The following BRD2 variants were observed in gnomAD, a reference collection of about 807,000 sequenced individuals.
BRD2 encodes bromodomain containing 2.
A neutral mutation model predicts 79.1 loss-of-function variants in BRD2; 15 were observed. That is an observed-to-expected ratio of 0.19 (90% confidence interval 0.13 to 0.29). The LOEUF (loss-of-function observed/expected upper bound fraction) is 0.29, where lower values mean the gene tolerates loss of function less well. BRD2 is among the 10% of genes least tolerant of loss of function. The pLI is 1.00. For missense variants in BRD2, 1,053 were observed against 991.3 expected, an observed-to-expected ratio of 1.06 and a Z score of -0.84; for synonymous variants, 488 against 358.6, an observed-to-expected ratio of 1.36 and a Z score of -4.08.
rs758763027 is a variant in BRD2 at position 32,972,866 on chromosome 6, G to A, written c.-33G>A. 3 of 1,613,824 alleles carry A rather than the reference G, an allele frequency of 1.9e-6. No homozygotes were observed. Among genetic ancestry groups the A allele is most frequent in the South Asian group, 2.2e-5 (2 of 91,092 alleles). ...AACCGAGGCCACCCGGACTTTCCGC[G>A]GCTGAGGGCAGCGCCGGTTCCTTGC... On this transcript the variant is annotated 5_prime_UTR_variant, in exon 2 of 13. Transcript: ENST00000374825.
At chr6:32,980,164 C>G in intron 11 of BRD2, 32 bp downstream of exon 11, 1 of 1,598,322 alleles carries the variant, frequency 6.3e-7, no homozygotes, top group South Asian at 1.1e-5. Flanking sequence ...TCTCATGGTT[C>G]TGAGGACAGT....
Position 32,978,347 on chromosome 6 carries a change from A to G in BRD2, c.1800A>G (p.Leu600=). The G allele has an allele frequency of 3.1e-6, 5 of 1,613,042 alleles. No homozygotes were observed. Among genetic ancestry groups the G allele is most frequent in the Non-Finnish European group, 3.4e-6 (4 of 1,180,014 alleles). The change falls in exon 10 of 13, where the codon TTA becomes TTG. Residue 600 remains leucine (L), a synonymous_variant. Coordinates refer to ENST00000374825, the MANE Select transcript of BRD2 (RefSeq NM_005104.4). ...GCAGTGGGGGTGGCAGTGCTGCTTT[A>G]GGCCCTTCTGGCTTTGGACCTTCTG... ...ASGSGGGSAA[L]GPSGFGPSGG... is the part of the protein sequence containing the mutation.
Position 32,971,622 on chromosome 6 carries a change from G to A in BRD2, c.-1277G>A. ...TCTTCGCTGCTGCTGCCTTACCGCC[G>A]AGAACCACCACCCGCCAGGCGTCTT... On this transcript the variant is annotated 5_prime_UTR_variant, in exon 2 of 13. Transcript: ENST00000374825. 1 of 446,286 alleles carries A rather than the reference G, an allele frequency of 2.2e-6. No individual in the cohort carries two copies. 27.6% of individuals were successfully genotyped at this position (446,286 alleles called of 1,614,324 possible). A position where few individuals can be genotyped will look rare whatever the true frequency, so the allele number is the denominator to read the frequency against.
Position 32,973,151 on chromosome 6 carries a change from A to C in BRD2, c.29+224A>C. ...ACAGGTTGTCAATTTATACGCTATT[A>C]ATGCCGCCGTGGCCCAGTCTTAACC... is the stretch of plus-strand genomic sequence containing the variant. On this transcript the variant is annotated intron_variant, in intron 2 of 12. Coordinates refer to ENST00000374825, the MANE Select transcript of BRD2 (RefSeq NM_005104.4). 2 of 1,547,164 alleles carry C rather than the reference A, an allele frequency of 1.3e-6. 1 individual carries two copies. The highest frequency in any genetic ancestry group is 2.4e-5 in the South Asian group (2 of 83,286).
chr6:32,975,356 G>T (rs1274533620), intron 3 of BRD2, 28 bp from the exon 4 acceptor site: 1 of 1,571,942 alleles, frequency 6.4e-7, no homozygotes, highest in Non-Finnish European at 8.7e-7. Flanking sequence ...ATTTTTCTGT[G>T]GTTCTGACCT....
At chr6:32,973,637 ATGAACCAC>A (rs772021223) in intron 2 of BRD2, among the ~76,000 whole-genome samples, 3 of 152,082 alleles carry the variant, frequency 2.0e-5, no homozygotes, top group Non-Finnish European at 4.4e-5. Context: ...GGGACTGTAA[ATGAACCAC>A]TGTTAGCGTT....
Position 32,977,927 on chromosome 6 carries a change from G to C in BRD2, c.1500G>C (p.Glu500Asp), listed in dbSNP as rs201796698. The C allele has an allele frequency of 6.2e-6, 10 of 1,606,310 alleles. No homozygotes were observed. The highest frequency in any genetic ancestry group is 6.8e-6 in the Non-Finnish European group (8 of 1,174,832). The change falls in exon 9 of 13, where the codon GAG (glutamate) becomes GAC (aspartate). Residue 500 changes from glutamate (E) to aspartate (D), a missense_variant. Transcript: ENST00000374825. ...SSEEEEEEDE[E>D]DEEEEESESS... The stretch of plus-strand genomic sequence containing the variant: ...AGGAAGAGGAGGAGGAAGATGAGGA[G>C]GACGAGGAGGAAGAAGAGAGTGAAA...
Position 32,980,592 on chromosome 6 carries a change from A to G in BRD2, c.2280A>G (p.Lys760=), listed in dbSNP as rs769441935. The change falls in exon 13 of 13, where the codon AAA becomes AAG. Residue 760 remains lysine (K), a synonymous_variant. Transcript: ENST00000374825. ...TKKPPKKANE[K]TESSSAQQVA... is the part of the protein sequence containing the mutation. The stretch of plus-strand genomic sequence containing the variant: ...GAATTTGTTCTGCAGCGAATGAGAA[A>G]ACAGAGTCATCCTCTGCACAGCAAG... 6.2e-7 allele frequency: 1 copy of G among 1,613,146 alleles called. No individual in the cohort carries two copies. Among genetic ancestry groups the G allele is most frequent in the South Asian group, 1.1e-5 (1 of 91,088 alleles).
rs1329762407 is a variant in BRD2 at position 32,977,838 on chromosome 6, C to T, written c.1411C>T (p.Pro471Ser). ...TTTACCAGTCTCTACTGCCATGCCC[C>T]CTGGCTTGGCCAAATCGTCTTCAGA... ...GPLPVSTAMP[P>S]GLAKSSSESS... Residue 471 changes from proline to serine, a missense_variant, in exon 9 of 13, where the codon CCT becomes TCT. Physicochemically the swap from Pro to Ser is moderately conservative, Grantham distance 74. This residue lies in a region of BRD2 where 454 missense variants were observed against 430.5 expected (regional missense o/e 1.05). Transcript: ENST00000374825. 5 of 1,612,988 alleles carry T rather than the reference C, an allele frequency of 3.1e-6. No homozygotes were observed. Among genetic ancestry groups the T allele is most frequent in the Admixed American group, 1.7e-5 (1 of 60,002 alleles).
rs200408799 is a variant in BRD2, at chr6:32,980,769, C to A, written c.*51C>A. The A allele has an allele frequency of 9.0e-5, 144 of 1,593,906 alleles. No homozygotes were observed. In the East Asian group the frequency reaches 3.0e-3, roughly 33 times the overall value. ...GGCTCCGCAGGACCGGACCCCTAGA[C>A]CACCCTGCCCCACCTGCCCCTTCCC... On this transcript the variant is annotated 3_prime_UTR_variant, in exon 13 of 13. Coordinates refer to ENST00000374825, the MANE Select transcript of BRD2 (RefSeq NM_005104.4).
chr6:32,980,822 C>A lies in BRD2; in HGVS notation c.*104C>A, dbSNP rs201692899. 3.8e-6 allele frequency: 3 copies of A among 798,854 alleles called. No homozygotes were observed. Among genetic ancestry groups the A allele is most frequent in the Admixed American group, 2.7e-5 (1 of 36,936 alleles). 49.5% of individuals were successfully genotyped at this position (798,854 alleles called of 1,614,324 possible). On this transcript the variant is annotated 3_prime_UTR_variant, in exon 13 of 13. Coordinates refer to ENST00000374825, the MANE Select transcript of BRD2 (RefSeq NM_005104.4). Reference sequence around the variant, plus strand: ...TTTGCTGTGACACTTCTTCATCTCACCCCCCCCCGCCCCCCTCTAGGAGAG... The same window carrying A: ...TTTGCTGTGACACTTCTTCATCTCAACCCCCCCCGCCCCCCTCTAGGAGAG...
chr6:32,977,170 AATGTGGCAGTG>A, intron 7 of BRD2: 2 of 1,360,122 alleles, frequency 1.5e-6, no homozygotes. Context: ...ATTAAGTACT[AATGTGGCAGTG>A]TTGGGTTAAG....
chr6:32,978,678 C>T (rs993364514), intron 10 of BRD2: 2 of 508,066 alleles, frequency 3.9e-6, no homozygotes, highest in African/African-American at 1.9e-5. Context: ...GCGCACTTCA[C>T]AGTAGGGTTC....
chr6:32,980,809 C>A lies in BRD2; in HGVS notation c.*91C>A. The A allele has an allele frequency of 2.7e-6, 4 of 1,469,582 alleles. No individual in the cohort carries two copies. The highest frequency in any genetic ancestry group is 1.2e-5 in the South Asian group (1 of 85,668). The allele number at this position is 1,469,582 out of a possible 1,614,324, so 91.0% of individuals were successfully genotyped here. ...TGCCCCTTCCCCCTTTGCTGTGACACTTCTTCATCTCACCCCCCCCCGCCC... is the reference window on the plus strand; with the variant it reads ...TGCCCCTTCCCCCTTTGCTGTGACAATTCTTCATCTCACCCCCCCCCGCCC... On this transcript the variant is annotated 3_prime_UTR_variant, in exon 13 of 13. Transcript: ENST00000374825.
In BRD2 at chr6:32,972,523, C is replaced by G. The variant is rs1354483042; in HGVS notation, c.-376C>G. On this transcript the variant is annotated 5_prime_UTR_variant, in exon 2 of 13. Coordinates refer to ENST00000374825, the MANE Select transcript of BRD2 (RefSeq NM_005104.4). Reference sequence around the variant, plus strand: ...GCCTCCATCCGAGATCGAAACGGGACCTCGTCGGCCCCGTAGGGGCCCGAC... The same window carrying G: ...GCCTCCATCCGAGATCGAAACGGGAGCTCGTCGGCCCCGTAGGGGCCCGAC... 5.8e-6 allele frequency: 2 copies of G among 347,640 alleles called. No individual in the cohort carries two copies. The highest frequency in any genetic ancestry group is 1.1e-5 in the Non-Finnish European group (2 of 188,018). 21.5% of individuals were successfully genotyped at this position (347,640 alleles called of 1,614,324 possible).
rs1359784842 is a variant in BRD2 at position 32,974,610 on chromosome 6, A to C, written c.178A>C (p.Asn60His). ...SVPALQLTPANPPPPEVSNPK... is the reference protein window; with the variant it reads ...SVPALQLTPAHPPPPEVSNPK... ...GCCTGCTTTGCAACTTACCCCTGCC[A>C]ACCCACCACCCCCGGAGGTGTCCAA... The change falls in exon 3 of 13, where the codon AAC (asparagine) becomes CAC (histidine). Residue 60 changes from asparagine to histidine, a missense_variant. Physicochemically the swap from Asn to His is moderately conservative, Grantham distance 68. Around this residue, in one of 5 missense-constraint regions of BRD2, gnomAD observed 413 missense variants for 335.1 expected, o/e 1.23. Transcript: ENST00000374825. 1.2e-6 allele frequency: 2 copies of C among 1,614,110 alleles called. No individual in the cohort carries two copies. Among genetic ancestry groups the C allele is most frequent in the Non-Finnish European group, 1.7e-6 (2 of 1,180,042 alleles).
At chr6:32,975,679 A>G (rs978834548) in intron 4 of BRD2, among the ~76,000 whole-genome samples, 158 bp downstream of exon 4, 4 of 152,216 alleles carry the variant, frequency 2.6e-5, no homozygotes, top group South Asian at 2.1e-4. Context: ...AGATGGTACT[A>G]TTGAACACAG....
chr6:32,969,854 C>T (rs557761271), intron 1 of BRD2, among the ~76,000 whole-genome samples: 6 of 152,288 alleles, frequency 3.9e-5, no homozygotes, highest in African/African-American at 1.4e-4. Flanking sequence ...CGGGTTTCTC[C>T]AGGGTGGCCT....
intron 6 of BRD2, 21 bp downstream of exon 6, chr6:32,976,485 C>G (rs1778774170): frequency 1.2e-6 from 2 of 1,605,474 alleles, no homozygotes; most frequent in Non-Finnish European, 1.7e-6. Flanking sequence ...TGGATTTCCT[C>G]TGGGCAGCAG....
Sources: allele counts gnomAD v4.1 joint callset (sites outside exome capture counted in the v4.1 genomes callset), GRCh38; gene constraint gnomAD v4.1.1; regional missense constraint gnomAD v4.1.1; transcripts MANE v1.5; gene names NCBI Gene and HGNC (gene_info 2026-07-23, HGNC 2026-07-21).